Variants in FRAS1 observed in about 807,000 individuals in gnomAD.
The protein encoded by FRAS1 is extracellular matrix organizing protein FRAS1.
Under a neutral mutation model 435.2 loss-of-function variants are expected in FRAS1, and 290 were observed. That is an observed-to-expected ratio of 0.67 (90% CI 0.61 to 0.73). The LOEUF is 0.73. FRAS1 is among the 30% of genes least tolerant of loss of function. The pLI is 0.00. For missense variants in FRAS1, 4,860 were observed against 5,001.5 expected, an observed-to-expected ratio of 0.97 and a Z score of 0.85; for synonymous variants, 1,800 against 1,851.0, an observed-to-expected ratio of 0.97 and a Z score of 0.71.
In FRAS1 at chr4:78,266,869, G is replaced by T; in HGVS notation, c.723G>T (p.Thr241=). The part of the protein sequence containing the change: ...GEQWSENACT[T]CICDRGEVRC... Reference sequence around the variant, plus strand: ...AGTGGAGCGAAAATGCCTGCACCACGTGTATATGTGACCGGGGTGAGGTCA... The same window carrying T: ...AGTGGAGCGAAAATGCCTGCACCACTTGTATATGTGACCGGGGTGAGGTCA... Residue 241 remains threonine (T), a synonymous_variant, in exon 8 of 74, where the codon ACG becomes ACT. Transcript: ENST00000512123. 6.2e-7 allele frequency: 1 copy of T among 1,607,606 alleles called. No homozygotes were observed. Among genetic ancestry groups the T allele is most frequent in the Non-Finnish European group, 8.5e-7 (1 of 1,177,036 alleles).
chr4:78,078,982 G>A (rs1740779171), intron 2 of FRAS1, among the ~76,000 whole-genome samples: 1 of 152,154 alleles, frequency 6.6e-6, no homozygotes, highest in East Asian at 1.9e-4. Context: ...CTGGCATTAT[G>A]TATGTTATAA....
At chr4:78,307,606 T>A (rs1214434588) in intron 14 of FRAS1, among the ~76,000 whole-genome samples, 1 of 152,112 alleles carries the variant, frequency 6.6e-6, no homozygotes, top group Non-Finnish European at 1.5e-5. Flanking sequence ...CGGGTGGGAG[T>A]GACCCGATTT....
At chr4:78,232,741 G>A (rs1724570697) in intron 2 of FRAS1, among the ~76,000 whole-genome samples, 1 of 152,162 alleles carries the variant, frequency 6.6e-6, no homozygotes, top group Non-Finnish European at 1.5e-5. Flanking sequence ...CAACCTATCT[G>A]GAGTATCTCA....
rs773433719 is a variant in FRAS1 at position 78,521,523 on chromosome 4, G to A, written c.10541G>A (p.Gly3514Glu). The A allele has an allele frequency of 2.5e-6, 4 of 1,607,306 alleles. No individual in the cohort carries two copies. The South Asian group carries it at 4.5e-5, about 18-fold the overall frequency. The change falls in exon 68 of 74, where the codon GGA (glycine) becomes GAA (glutamate). Residue 3514 changes from glycine (G) to glutamate (E), a missense_variant and splice_region_variant. By Grantham distance (98) the Gly-to-Glu change is moderately conservative (BLOSUM62 -2). Transcript: ENST00000512123. ...ATTTTCTCTCTGCTTTCCTGCCCAG[G>A]AATCCAGACAGACAGCGTGCTCTCT... Reference protein sequence around the residue: ...FFYDTVLWRTGIQTDSVLSAR... With the variant: ...FFYDTVLWRTEIQTDSVLSAR...
Position 78,181,236 on chromosome 4 carries a change from T to C in FRAS1, c.109-56274T>C, listed in dbSNP as rs1217017039. The C allele has an allele frequency of 2.5e-6, 4 of 1,610,108 alleles. No homozygotes were observed. In the African/African-American group the frequency reaches 5.3e-5, roughly 22 times the overall value. On this transcript the variant is annotated intron_variant, in intron 2 of 73. Transcript: ENST00000512123. ...TTCCACTCATCCAAAGTCATCTCTT[T>C]TGGACCCTCCTCTTTTACCTCTTCA...
intron 2 of FRAS1, among the ~76,000 whole-genome samples, chr4:78,185,434 A>G (rs1225132636): frequency 2.0e-5 from 3 of 152,184 alleles, no homozygotes; most frequent in Non-Finnish European, 4.4e-5. Context: ...TTCAGATAAA[A>G]CTGCAGATGG....
At chr4:78,183,504 ATGTAT>A (rs1335613875) in intron 2 of FRAS1, among the ~76,000 whole-genome samples, 1 of 152,096 alleles carries the variant, frequency 6.6e-6, no homozygotes, top group African/African-American at 2.4e-5. Flanking sequence ...TGTCCAGAAA[ATGTAT>A]TGTATTGTTT....
intron 6 of FRAS1, among the ~76,000 whole-genome samples, chr4:78,262,053 A>G (rs1049069936): frequency 1.3e-5 from 2 of 152,162 alleles, no homozygotes; most frequent in South Asian, 4.1e-4. Flanking sequence ...GATGCTAGGA[A>G]ATAAGCATGC....
chr4:78,114,570 A>G (rs1355258550), intron 2 of FRAS1, among the ~76,000 whole-genome samples: 1 of 151,892 alleles, frequency 6.6e-6, no homozygotes, highest in Non-Finnish European at 1.5e-5. Context: ...ATTCCTAGGT[A>G]TTTTATTCTC....
At chr4:78,459,856 T>C (rs1187294850) in intron 47 of FRAS1, among the ~76,000 whole-genome samples, 17 of 152,246 alleles carry the variant, frequency 1.1e-4, no homozygotes, top group Non-Finnish European at 1.5e-5. Flanking sequence ...TGTTGGGATA[T>C]GTCTGTATCC....
At chr4:78,451,070 G>T (rs1207289292) in intron 45 of FRAS1, among the ~76,000 whole-genome samples, 2 of 152,132 alleles carry the variant, frequency 1.3e-5, no homozygotes, top group Non-Finnish European at 2.9e-5. Flanking sequence ...TAGTGAAGGG[G>T]AGTGGAAGAG....
chr4:78,256,172 A>G (rs548930213), intron 6 of FRAS1, among the ~76,000 whole-genome samples: 1 of 152,234 alleles, frequency 6.6e-6, no homozygotes, highest in African/African-American at 2.4e-5. Flanking sequence ...CAATTGGGCA[A>G]TATTTTTAAA....
intron 3 of FRAS1, among the ~76,000 whole-genome samples, chr4:78,241,343 C>T (rs1004873253): frequency 6.6e-6 from 1 of 152,150 alleles, no homozygotes; most frequent in African/African-American, 2.4e-5. Flanking sequence ...TCCTTGAGAG[C>T]AGGAATCTTG....
At chr4:78,259,831 A>G (rs1725987820) in intron 6 of FRAS1, among the ~76,000 whole-genome samples, 1 of 151,118 alleles carries the variant, frequency 6.6e-6, no homozygotes, top group Non-Finnish European at 1.5e-5. Context: ...TAGGGTTTTT[A>G]TGGTTTTAGG....
intron 2 of FRAS1, among the ~76,000 whole-genome samples, chr4:78,131,321 C>A (rs998017553): frequency 6.6e-6 from 1 of 152,164 alleles, no homozygotes; most frequent in Non-Finnish European, 1.5e-5. Flanking sequence ...AGGCACAGAT[C>A]TACAGTATTA....
chr4:78,095,271 G>T (rs1741740088), intron 2 of FRAS1, among the ~76,000 whole-genome samples: 1 of 152,192 alleles, frequency 6.6e-6, no homozygotes, highest in African/African-American at 2.4e-5. Flanking sequence ...AGGAAAAAAA[G>T]ACTATTTCCA....
intron 35 of FRAS1, 33 bp from the exon 36 acceptor site, chr4:78,429,062 G>GTGTA (rs868540242): frequency 6.5e-7 from 1 of 1,542,678 alleles, no homozygotes; most frequent in Non-Finnish European, 8.8e-7. Flanking sequence ...GTGTGTGTGT[G>GTGTA]TCTCTGTGTG....
intron 47 of FRAS1, among the ~76,000 whole-genome samples, chr4:78,459,657 C>T (rs989323463): frequency 3.3e-5 from 5 of 152,182 alleles, no homozygotes; most frequent in Non-Finnish European, 7.3e-5. Context: ...GCTAGGGCTA[C>T]CATTAAAAAG....
At chr4:78,475,882 G>C (rs1719839019) in intron 54 of FRAS1, among the ~76,000 whole-genome samples, 1 of 152,154 alleles carries the variant, frequency 6.6e-6, no homozygotes, top group South Asian at 2.1e-4. Flanking sequence ...CAAGCATCAT[G>C]TTCTATATTC....
Sources: allele counts gnomAD v4.1 joint callset (sites outside exome capture counted in the v4.1 genomes callset), GRCh38; gene constraint gnomAD v4.1.1; transcripts MANE v1.5; gene names NCBI Gene and HGNC (gene_info 2026-07-23, HGNC 2026-07-21).